SH3PXD2A: variants seen among roughly 807,000 people sequenced by gnomAD.
SH3PXD2A encodes the protein SH3 and PX domains 2A, also known as SH3 and PX domain-containing protein 2A.
Under a neutral mutation model 115.2 loss-of-function variants are expected in SH3PXD2A, and 32 were observed. The observed-to-expected ratio is 0.28, with a 90% confidence interval of 0.21 to 0.37. SH3PXD2A has a LOEUF of 0.37. SH3PXD2A is among the 10% of genes least tolerant of loss of function. SH3PXD2A has a pLI of 1.00. For missense variants in SH3PXD2A, 1,328 were observed against 1,498.7 expected (o/e 0.89, Z 1.88); for synonymous variants, 610 against 629.1 (o/e 0.97, Z 0.45).
At chr10:103,787,652 C>T (rs57669590) in intron 2 of SH3PXD2A, among the ~76,000 whole-genome samples, 248 of 152,340 alleles carry the variant, frequency 1.6e-3, no homozygotes, top group African/African-American at 5.7e-3. Context: ...GGGCTGCCCT[C>T]GGGAGGTGCT....
intron 2 of SH3PXD2A, among the ~76,000 whole-genome samples, chr10:103,790,992 G>T (rs1471977457): frequency 6.6e-6 from 1 of 152,220 alleles, no homozygotes; most frequent in African/African-American, 2.4e-5. Flanking sequence ...TTCTCTCCCT[G>T]AAAGGGACAT....
In SH3PXD2A at chr10:103,846,165, G is replaced by A. The variant is rs539467157; in HGVS notation, c.72+9030C>T. Among the ~76,000 whole-genome samples the A allele has an allele frequency of 3.3e-5, 5 of 152,342 alleles. No homozygotes were observed. In the East Asian group the frequency reaches 9.7e-4, roughly 29 times the overall value. On this transcript the variant is annotated intron_variant, in intron 1 of 14. Coordinates refer to ENST00000369774, the MANE Select transcript of SH3PXD2A (RefSeq NM_001394015.1). ...TGGGCCTCCGCCCAGGCTTGGGGAG[G>A]GTGGCTTCCTCGCCAGCCAAAGGGA...
At chr10:103,738,068 C>A (rs905555916) in intron 3 of SH3PXD2A, among the ~76,000 whole-genome samples, 4 of 152,200 alleles carry the variant, frequency 2.6e-5, no homozygotes, top group Non-Finnish European at 5.9e-5. Flanking sequence ...TGTTCCTCTC[C>A]TGGACTCTTG....
chr10:103,610,875 G>C (rs2133927586), intron 13 of SH3PXD2A, among the ~76,000 whole-genome samples: 1 of 152,352 alleles, frequency 6.6e-6, no homozygotes, highest in Non-Finnish European at 1.5e-5. Context: ...AGTGTCAGAA[G>C]TGGAATCCGA....
intron 13 of SH3PXD2A, among the ~76,000 whole-genome samples, chr10:103,610,739 C>T (rs61151381): frequency 6.6e-6 from 1 of 152,066 alleles, no homozygotes; most frequent in African/African-American, 2.4e-5. Context: ...GCTAGCCCCC[C>T]ACATAAATCA....
Position 103,840,376 on chromosome 10 carries a change from C to T in SH3PXD2A, c.72+14819G>A, listed in dbSNP as rs74157360. On this transcript the variant is annotated intron_variant, in intron 1 of 14. Coordinates refer to ENST00000369774, the MANE Select transcript of SH3PXD2A (RefSeq NM_001394015.1). Reference sequence around the variant, plus strand: ...TGCACTTGTAAATGGCCCAGGAAGGCGGCCACATACACCAAGCCCACCCCC... The same window carrying T: ...TGCACTTGTAAATGGCCCAGGAAGGTGGCCACATACACCAAGCCCACCCCC... Among the ~76,000 whole-genome samples the T allele has an allele frequency of 1.8e-3, 275 of 152,266 alleles. 1 individual carries two copies. The highest frequency in any genetic ancestry group is 6.3e-3 in the African/African-American group (262 of 41,556).
chr10:103,672,304 C>T (rs919016439), intron 6 of SH3PXD2A, among the ~76,000 whole-genome samples: 1 of 152,106 alleles, frequency 6.6e-6, no homozygotes, highest in African/African-American at 2.4e-5. Context: ...ATAAATACTC[C>T]GGGCCTCAGT....
At chr10:103,795,932 C>CAGGAAGGAAGGAAGGAAGGAAGGA (rs938972216) in intron 2 of SH3PXD2A, among the ~76,000 whole-genome samples, 1 of 98,262 alleles carries the variant, frequency 1.0e-5, no homozygotes, top group African/African-American at 3.6e-5. Flanking sequence ...GGAAGGAAGG[C>CAGGAAGGAAGGAAGGAAGGAAGGA]AGGAAGGAAG....
intron 6 of SH3PXD2A, among the ~76,000 whole-genome samples, chr10:103,679,172 G>A (rs1346149923): frequency 6.6e-6 from 1 of 152,294 alleles, no homozygotes; most frequent in South Asian, 2.1e-4. Flanking sequence ...CCCCAGCCCC[G>A]TGCAGCACTT....
chr10:103,727,581 A>C (rs2134175816), intron 4 of SH3PXD2A, among the ~76,000 whole-genome samples: 1 of 152,280 alleles, frequency 6.6e-6, no homozygotes, highest in South Asian at 2.1e-4. Context: ...CCACAGCACT[A>C]GTGCCCTCCC....
intron 6 of SH3PXD2A, among the ~76,000 whole-genome samples, chr10:103,690,106 T>G (rs922777529): frequency 6.6e-6 from 1 of 152,160 alleles, no homozygotes; most frequent in African/African-American, 2.4e-5. Flanking sequence ...CATCGGAGCC[T>G]CAGCTTCTCA....
intron 4 of SH3PXD2A, among the ~76,000 whole-genome samples, chr10:103,730,269 G>A (rs11191785): frequency 0.17 from 21,460 of 124,516 alleles, 1,838 homozygotes; most frequent in East Asian, 0.32. Flanking sequence ...CCTGCACACT[G>A]ATTTTTTTTG....
At chr10:103,667,411 C>T (rs547027291) in intron 7 of SH3PXD2A, among the ~76,000 whole-genome samples, 113 of 152,304 alleles carry the variant, frequency 7.4e-4, no homozygotes, top group African/African-American at 2.6e-3. Flanking sequence ...CTCCGCTATA[C>T]GTTTGGTGAA....
intron 3 of SH3PXD2A, among the ~76,000 whole-genome samples, chr10:103,765,318 TG>T (rs765843008): frequency 1.1e-4 from 17 of 152,202 alleles, no homozygotes; most frequent in Non-Finnish European, 2.1e-4. Flanking sequence ...AGGTCTCTGC[TG>T]ACTTCCTCAG....
At chr10:103,663,362 A>G (rs553464717) in intron 7 of SH3PXD2A, among the ~76,000 whole-genome samples, 1 of 152,384 alleles carries the variant, frequency 6.6e-6, no homozygotes, top group South Asian at 2.1e-4. Context: ...ACAGCAGGCA[A>G]GAGACGACTC....
At chr10:103,750,509 C>G (rs1433645585) in intron 3 of SH3PXD2A, among the ~76,000 whole-genome samples, 2 of 152,188 alleles carry the variant, frequency 1.3e-5, no homozygotes, top group Admixed American at 1.3e-4. Context: ...CTAAAATTTG[C>G]CCAGACACCC....
At chr10:103,682,267 C>T (rs1272288895) in intron 6 of SH3PXD2A, among the ~76,000 whole-genome samples, 1 of 152,248 alleles carries the variant, frequency 6.6e-6, no homozygotes, top group Non-Finnish European at 1.5e-5. Context: ...GGGGCTCAGC[C>T]ACCTCGAGCC....
At chr10:103,844,254 T>A (rs1415667306) in intron 1 of SH3PXD2A, among the ~76,000 whole-genome samples, 2 of 152,242 alleles carry the variant, frequency 1.3e-5, no homozygotes, top group East Asian at 3.8e-4. Flanking sequence ...GGCACTGCGC[T>A]GAGGGCTCAA....
rs1564847876 is a variant in SH3PXD2A, at chr10:103,627,244, AG to A, written c.605-43del. 2.4e-6 allele frequency: 3 copies of A among 1,243,278 alleles called. No individual in the cohort carries two copies. The highest frequency in any genetic ancestry group is 2.3e-5 in the East Asian group (1 of 42,838). 77.0% of individuals were successfully genotyped at this position (1,243,278 alleles called of 1,614,324 possible). A position where few individuals can be genotyped will look rare whatever the true frequency, so the allele number is the denominator to read the frequency against. On this transcript the variant is annotated intron_variant, in intron 8 of 14. Coordinates refer to ENST00000369774, the MANE Select transcript of SH3PXD2A (RefSeq NM_001394015.1). The surrounding 1 kb of genome is among the most constrained non-coding windows in gnomAD (Gnocchi z 4.4). ...AGAGAACAGGACTGTGAGATTCTGC[AG>A]GGTGGCAGGGGTGGCTCGGGGGCCA...
Sources: allele counts gnomAD v4.1 joint callset (sites outside exome capture counted in the v4.1 genomes callset), GRCh38; gene constraint gnomAD v4.1.1; non-coding constraint Gnocchi (gnomAD v3.1); transcripts MANE v1.5; gene names NCBI Gene and HGNC (gene_info 2026-07-23, HGNC 2026-07-21).